MAPK7: variants seen among roughly 807,000 people sequenced by gnomAD.
MAPK7 encodes BMK-1.
MAPK7 carries 30 observed loss-of-function variants against 56.9 expected under a neutral mutation model. The observed-to-expected ratio is 0.53, with a 90% CI of 0.39 to 0.72. The LOEUF (loss-of-function observed/expected upper bound fraction) is 0.72. MAPK7 is among the 30% of genes least tolerant of loss of function. The probability of loss-of-function intolerance (pLI) is 0.00; values close to 1 mark genes in which losing one functional copy is unlikely to be tolerated. For synonymous variants in MAPK7, 516 were observed against 449.3 expected, an observed-to-expected ratio of 1.15 and a Z score of -1.88; for missense variants, 952 against 1,110.8, an observed-to-expected ratio of 0.86 and a Z score of 2.03.
In MAPK7 at chr17:19,378,618, AG is replaced by A. The variant is rs1912313125; in HGVS notation, c.-16del. The A allele has an allele frequency of 2.3e-6, 3 of 1,320,692 alleles. No homozygotes were observed. The South Asian group carries it at 5.6e-5, about 25-fold the overall frequency. The allele number at this position is 1,320,692 out of a possible 1,614,324, so 81.8% of individuals were successfully genotyped here. A position where few individuals can be genotyped will look rare whatever the true frequency, so the allele number is the denominator to read the frequency against. ...AGCCTCGGGACCTCTGAAAGCCTTG[AG>A]GAGGCGCGGGGGTGAGTGCGGCCCT... On this transcript the variant is annotated 5_prime_UTR_variant, in exon 1 of 7. Transcript: ENST00000395604. The surrounding 1 kb of genome is among the most constrained non-coding windows in gnomAD (Gnocchi z 5.4).
At position 19,381,565 on chromosome 17, in the gene MAPK7, C is replaced by A; in HGVS notation, c.1356C>A (p.Thr452=). 2 of 1,613,780 alleles carry A rather than the reference C, an allele frequency of 1.2e-6. No individual in the cohort carries two copies. The highest frequency in any genetic ancestry group is 1.7e-6 in the Non-Finnish European group (2 of 1,180,008). The change falls in exon 4 of 7, where the codon ACC becomes ACA. Residue 452 remains threonine (T), a synonymous_variant. Coordinates refer to ENST00000395604, the MANE Select transcript of MAPK7 (RefSeq NM_002749.4). The surrounding 1 kb of genome is among the most constrained non-coding windows in gnomAD (Gnocchi z 4.6). ...PGPAPDTIDL[T]LQPPPPVSEP... is the part of the protein sequence containing the mutation. Reference sequence around the variant, plus strand: ...CTGCACCTGACACCATTGATCTGACCCTGCAGCCACCTCCACCAGTCAGTG... The same window carrying A: ...CTGCACCTGACACCATTGATCTGACACTGCAGCCACCTCCACCAGTCAGTG...
At position 19,381,922 on chromosome 17, in the gene MAPK7, G is replaced by A. The variant is rs1172807778; in HGVS notation, c.1619G>A (p.Arg540Gln). ...EREKRRQERE[R>Q]KERGAGASGG... ...GAGAAACGGCGGCAGGAGCGGGAGC[G>A]AAAGGAACGGGGGGCTGGGGCCTCT... Residue 540 changes from arginine (R) to glutamine (Q), a missense_variant, in exon 5 of 7, where the codon CGA (arginine) becomes CAA (glutamine). By Grantham distance (43) the Arg-to-Gln change is conservative. Transcript: ENST00000395604. This position sits in a 1 kb window ranked among gnomAD's most constrained non-coding sequence, Gnocchi z 4.6. 5 of 1,552,990 alleles carry A rather than the reference G, an allele frequency of 3.2e-6. No homozygotes were observed. Among genetic ancestry groups the A allele is most frequent in the Admixed American group, 3.9e-5 (2 of 51,038 alleles).
chr17:19,377,898 C>T, upstream of MAPK7: 1 of 985,384 alleles, frequency 1.0e-6, no homozygotes, highest in Non-Finnish European at 1.2e-6. Flanking sequence ...CCAACTTGGC[C>T]GGAAGCTGCG....
At position 19,383,233 on chromosome 17, in the gene MAPK7, GC is replaced by G; in HGVS notation, c.*7del. 6.2e-7 allele frequency: 1 copy of G among 1,613,554 alleles called. No homozygotes were observed. The highest frequency in any genetic ancestry group is 8.5e-7 in the Non-Finnish European group (1 of 1,179,820). ...CTGCCTGACCTCCAGGACCCCTGAG[GC>G]CCCCAGCCTGTGCCTTGCTGCCACA... On this transcript the variant is annotated 3_prime_UTR_variant, in exon 7 of 7. Coordinates refer to ENST00000395604, the MANE Select transcript of MAPK7 (RefSeq NM_002749.4).
upstream of MAPK7, chr17:19,377,966 G>A: frequency 1.0e-6 from 1 of 985,432 alleles, no homozygotes; most frequent in South Asian, 4.7e-5. Flanking sequence ...TAGAATCCCG[G>A]AGGACCGGGA....
chr17:19,377,932 A>G (rs902544801), upstream of MAPK7: 2 of 985,240 alleles, frequency 2.0e-6, no homozygotes, highest in African/African-American at 3.5e-5. Context: ...ACCGGAAGTC[A>G]GTGGAGGGTT....
At chr17:19,379,756 G>T in intron 2 of MAPK7, 26 bp from the exon 3 acceptor site, 2 of 1,611,296 alleles carry the variant, frequency 1.2e-6, no homozygotes, top group Non-Finnish European at 1.7e-6. Context: ...GTATCCTCTG[G>T]TATGTCCCTT....
Position 19,379,009 on chromosome 17 carries a change from C to T in MAPK7, c.109C>T (p.Leu37=). The change falls in exon 2 of 7, where the codon CTG becomes TTG. Residue 37 remains leucine, a synonymous_variant. Coordinates refer to ENST00000395604, the MANE Select transcript of MAPK7 (RefSeq NM_002749.4). ...CGCTGCCTCTGTAGCGGCCAAGAACCTGGCCCTGCTTAAAGCCCGCTCCTT... is the reference window on the plus strand; with the variant it reads ...CGCTGCCTCTGTAGCGGCCAAGAACTTGGCCCTGCTTAAAGCCCGCTCCTT... ...HTAASVAAKN[L]ALLKARSFDV... 1.2e-6 allele frequency: 2 copies of T among 1,613,624 alleles called. No homozygotes were observed. Among genetic ancestry groups the T allele is most frequent in the Non-Finnish European group, 1.7e-6 (2 of 1,179,846 alleles).
Position 19,382,819 on chromosome 17 carries a change from G to T in MAPK7, c.2170G>T (p.Asp724Tyr), listed in dbSNP as rs1912838413. 1 of 1,613,828 alleles carries T rather than the reference G, an allele frequency of 6.2e-7. No homozygotes were observed. Among genetic ancestry groups the T allele is most frequent in the Admixed American group, 1.7e-5 (1 of 59,976 alleles). ...AACCTGTCATTCCCTGCAGGTGGAG[G>T]ACCCCCTGCCCCCTGTGTTCTCAGG... ...TQQLSKSQVE[D>Y]PLPPVFSGTP... Residue 724 changes from aspartate to tyrosine, a missense_variant, in exon 6 of 7, where the codon GAC becomes TAC. By Grantham distance (160) the Asp-to-Tyr change is radical. Transcript: ENST00000395604.
chr17:19,382,536 C>A, intron 5 of MAPK7, 70 bp downstream of exon 5: 1 of 1,513,674 alleles, frequency 6.6e-7, no homozygotes, highest in South Asian at 1.3e-5. Flanking sequence ...AGGAAGCGGT[C>A]AGTGTTCCAC....
rs1260904487 is a variant in MAPK7, at chr17:19,382,075, C to T, written c.1772C>T (p.Pro591Leu). Reference protein sequence around the residue: ...PALTSVPAPAPAPTPTPTPVQ... With the variant: ...PALTSVPAPALAPTPTPTPVQ... ...CTCACCTCTGTGCCGGCCCCTGCCCCAGCGCCAACGCCAACCCCAACCCCA... is the reference window on the plus strand; with the variant it reads ...CTCACCTCTGTGCCGGCCCCTGCCCTAGCGCCAACGCCAACCCCAACCCCA... Residue 591 changes from proline to leucine, a missense_variant, in exon 5 of 7, where the codon CCA (proline) becomes CTA (leucine). Physicochemically the swap from Pro to Leu is moderately conservative, Grantham distance 98. Coordinates refer to ENST00000395604, the MANE Select transcript of MAPK7 (RefSeq NM_002749.4). The T allele has an allele frequency of 6.3e-7, 1 of 1,599,684 alleles. No individual in the cohort carries two copies. The highest frequency in any genetic ancestry group is 2.3e-5 in the East Asian group (1 of 44,218).
rs1331947937 is a variant in MAPK7, at chr17:19,380,977, G to A, written c.768G>A (p.Leu256=). Residue 256 remains leucine, a synonymous_variant, in exon 4 of 7, where the codon CTG becomes CTA. Transcript: ENST00000395604. ...WSVGCIFGEM[L]ARRQLFPGKN... is the part of the protein sequence containing the mutation. ...TGGGCTGCATCTTTGGTGAGATGCT[G>A]GCCCGGCGCCAGCTCTTCCCAGGCA... 6.2e-6 allele frequency: 10 copies of A among 1,614,064 alleles called. No homozygotes were observed. The highest frequency in any genetic ancestry group is 2.7e-5 in the African/African-American group (2 of 74,926).
At position 19,380,882 on chromosome 17, in the gene MAPK7, C is replaced by T; in HGVS notation, c.673C>T (p.Arg225Cys). The T allele has an allele frequency of 1.2e-6, 2 of 1,614,146 alleles. No homozygotes were observed. The highest frequency in any genetic ancestry group is 1.6e-4 in the Middle Eastern group (1 of 6,062). The change falls in exon 4 of 7, where the codon CGC (arginine) becomes TGC (cysteine). Residue 225 changes from arginine (R) to cysteine (C), a missense_variant. By Grantham distance (180) the Arg-to-Cys change is radical. Around this residue, in one of 5 missense-constraint regions of MAPK7, gnomAD observed 429 missense variants for 533.0 expected, o/e 0.80. Coordinates refer to ENST00000395604, the MANE Select transcript of MAPK7 (RefSeq NM_002749.4). ...QYFMTEYVAT[R>C]WYRAPELMLS... ...CTTCATGACTGAGTATGTGGCCACG[C>T]GCTGGTACCGTGCGCCCGAGCTCAT...
rs1448190955 is a variant in MAPK7 at position 19,381,732 on chromosome 17, G to A, written c.1477+46G>A. On this transcript the variant is annotated intron_variant, in intron 4 of 6. Coordinates refer to ENST00000395604, the MANE Select transcript of MAPK7 (RefSeq NM_002749.4). The surrounding 1 kb of genome is among the most constrained non-coding windows in gnomAD (Gnocchi z 4.6). ...GTGGGCAGAGGGGAGACTTGGACTT[G>A]GACAAGGCTTCAGGCTTTTACCTTC... The A allele has an allele frequency of 6.5e-7, 1 of 1,543,380 alleles. No homozygotes were observed. Among genetic ancestry groups the A allele is most frequent in the Admixed American group, 2.0e-5 (1 of 48,988 alleles).
Position 19,382,821 on chromosome 17 carries a change from C to T in MAPK7, c.2172C>T (p.Asp724=), listed in dbSNP as rs1267922465. Residue 724 remains aspartate (D), a synonymous_variant, in exon 6 of 7, where the codon GAC becomes GAT. Coordinates refer to ENST00000395604, the MANE Select transcript of MAPK7 (RefSeq NM_002749.4). ...TQQLSKSQVE[D]PLPPVFSGTP... Reference sequence around the variant, plus strand: ...CCTGTCATTCCCTGCAGGTGGAGGACCCCCTGCCCCCTGTGTTCTCAGGCA... The same window carrying T: ...CCTGTCATTCCCTGCAGGTGGAGGATCCCCTGCCCCCTGTGTTCTCAGGCA... The T allele has an allele frequency of 1.2e-6, 2 of 1,613,980 alleles. No individual in the cohort carries two copies. The highest frequency in any genetic ancestry group is 1.1e-5 in the South Asian group (1 of 91,068).
In MAPK7 at chr17:19,379,053, G is replaced by A; in HGVS notation, c.153G>A (p.Val51=). The A allele has an allele frequency of 1.2e-6, 2 of 1,614,144 alleles. No individual in the cohort carries two copies. The highest frequency in any genetic ancestry group is 1.7e-6 in the Non-Finnish European group (2 of 1,180,010). Residue 51 remains valine, a synonymous_variant, in exon 2 of 7, where the codon GTG becomes GTA. Coordinates refer to ENST00000395604, the MANE Select transcript of MAPK7 (RefSeq NM_002749.4). ...GCTCCTTCGATGTGACCTTTGACGT[G>A]GGCGACGAGTACGAGATCATCGAGA... ...KARSFDVTFD[V]GDEYEIIETI... is the part of the protein sequence containing the mutation.
At chr17:19,378,292 C>T, upstream of MAPK7, 1 of 986,702 alleles carries the variant, frequency 1.0e-6, no homozygotes, top group South Asian at 4.6e-5. This position sits in a 1 kb window ranked among gnomAD's most constrained non-coding sequence, Gnocchi z 5.4. Context: ...GCGGGGAGCA[C>T]ACCCCTGCGA....
intron 2 of MAPK7, 167 bp downstream of exon 2, chr17:19,379,299 C>G (rs974220058): frequency 1.5e-6 from 1 of 649,842 alleles, no homozygotes; most frequent in Non-Finnish European, 2.6e-6. Flanking sequence ...GCTCGGTTCT[C>G]TGAAACTCCG....
Position 19,378,592 on chromosome 17 carries a change from G to T in MAPK7, c.-44G>T, listed in dbSNP as rs1912311578. 3 of 1,232,404 alleles carry T rather than the reference G, an allele frequency of 2.4e-6. No individual in the cohort carries two copies. Among genetic ancestry groups the T allele is most frequent in the Non-Finnish European group, 3.1e-6 (3 of 982,050 alleles). 76.3% of individuals were successfully genotyped at this position (1,232,404 alleles called of 1,614,324 possible). A position where few individuals can be genotyped will look rare whatever the true frequency, so the allele number is the denominator to read the frequency against. Reference sequence around the variant, plus strand: ...CCCGCGCTGGGGACGGGAGGCCGGCGAGCCTCGGGACCTCTGAAAGCCTTG... The same window carrying T: ...CCCGCGCTGGGGACGGGAGGCCGGCTAGCCTCGGGACCTCTGAAAGCCTTG... On this transcript the variant is annotated 5_prime_UTR_variant, in exon 1 of 7. Coordinates refer to ENST00000395604, the MANE Select transcript of MAPK7 (RefSeq NM_002749.4). This position sits in a 1 kb window ranked among gnomAD's most constrained non-coding sequence, Gnocchi z 5.4.
Sources: gnomAD v4.1 joint callset for allele counts on GRCh38, gnomAD v4.1.1 for gene constraint, gnomAD v4.1.1 regional missense constraint, Gnocchi (gnomAD v3.1) non-coding constraint, MANE v1.5 for transcripts, NCBI Gene and HGNC (gene_info 2026-07-23, HGNC 2026-07-21) for gene names.